Variants in GRIK2 observed in about 807,000 individuals in gnomAD.
The protein encoded by GRIK2 is glutamate ionotropic receptor kainate type subunit 2, also known as glutamate receptor ionotropic, kainate 2.
GRIK2 carries 32 observed loss-of-function variants against 100.3 expected under a neutral mutation model. The observed-to-expected ratio is 0.32, with a 90% CI of 0.24 to 0.43. The LOEUF (loss-of-function observed/expected upper bound fraction) is 0.43. Among genes scored for constraint, GRIK2 ranks in the 20% least tolerant of loss-of-function variants. GRIK2 has a pLI of 1.00. For missense variants in GRIK2, 843 were observed against 1,114.9 expected (o/e 0.76, Z 3.47); for synonymous variants, 417 against 389.4 (o/e 1.07, Z -0.83).
chr6:101,751,892 A>G (rs887107888), intron 7 of GRIK2, among the ~76,000 whole-genome samples: 4 of 152,176 alleles, frequency 2.6e-5, no homozygotes, highest in Non-Finnish European at 5.9e-5. Context: ...TGATGTTAGG[A>G]ACCAGTGATG....
At chr6:101,941,049 T>G (rs1242961306) in intron 14 of GRIK2, among the ~76,000 whole-genome samples, 1 of 152,164 alleles carries the variant, frequency 6.6e-6, no homozygotes, top group Non-Finnish European at 1.5e-5. Context: ...ATGATTTGAT[T>G]CAGTTTAAAT....
intron 2 of GRIK2, among the ~76,000 whole-genome samples, chr6:101,505,697 A>C (rs916204196): frequency 2.0e-5 from 3 of 151,990 alleles, no homozygotes; most frequent in Non-Finnish European, 2.9e-5. Flanking sequence ...AATGATTGTC[A>C]AAACACTTCT....
At position 101,928,425 on chromosome 6, in the gene GRIK2, C is replaced by T. The variant is rs1244842204; in HGVS notation, c.1878C>T (p.Leu626=). The T allele has an allele frequency of 6.3e-7, 1 of 1,574,832 alleles. No homozygotes were observed. The highest frequency in any genetic ancestry group is 1.7e-5 in the Admixed American group (1 of 59,936). The change falls in exon 14 of 17, where the codon CTC becomes CTT. Residue 626 remains leucine (L), a synonymous_variant. Transcript: ENST00000369134. ...CCCACTCTCTGTTAGGTTCTGAGCT[C>T]ATGCCCAAAGCACTGTCCACCAGGA... ...VGALMQQGSE[L]MPKALSTRIV... is the part of the protein sequence containing the mutation.
At chr6:102,003,267 G>A (rs926722004) in intron 14 of GRIK2, among the ~76,000 whole-genome samples, 1 of 151,176 alleles carries the variant, frequency 6.6e-6, no homozygotes, top group African/African-American at 2.4e-5. Context: ...GGGATAAATG[G>A]AATTGCACAC....
At chr6:101,979,264 G>T (rs930163953) in intron 14 of GRIK2, among the ~76,000 whole-genome samples, 5 of 151,898 alleles carry the variant, frequency 3.3e-5, no homozygotes, top group Non-Finnish European at 7.4e-5. Context: ...CAATGCTCAG[G>T]TTATGACCTG....
intron 7 of GRIK2, among the ~76,000 whole-genome samples, chr6:101,741,946 G>A (rs936996792): frequency 6.6e-5 from 10 of 152,122 alleles, no homozygotes; most frequent in African/African-American, 2.4e-4. Flanking sequence ...AAAGTTAACA[G>A]CTAATAAATA....
At chr6:101,409,420 G>C (rs1267966361) in intron 2 of GRIK2, among the ~76,000 whole-genome samples, 1 of 151,960 alleles carries the variant, frequency 6.6e-6, no homozygotes, top group Non-Finnish European at 1.5e-5. Flanking sequence ...ATGTATTCCT[G>C]TTGTTAAGCA....
intron 4 of GRIK2, among the ~76,000 whole-genome samples, chr6:101,628,772 T>C (rs75655850): frequency 0.013 from 1,923 of 152,230 alleles, 26 homozygotes; most frequent in South Asian, 0.04. Context: ...GTATACATTA[T>C]ATACATATGT....
intron 2 of GRIK2, among the ~76,000 whole-genome samples, chr6:101,601,056 G>A (rs1305312145): frequency 6.6e-6 from 1 of 150,904 alleles, no homozygotes. Context: ...GATGTTGGCT[G>A]TGTGTTTGTC....
chr6:101,676,672 T>C lies in GRIK2; in HGVS notation c.591T>C (p.Leu197=), dbSNP rs1166829906. ...TCAAAGCTCCATCAAGGTATAATCT[T>C]CGACTCAAAATTCGTCAGTTACCTG... ...ELIKAPSRYN[L]RLKIRQLPAD... is the part of the protein sequence containing the mutation. Residue 197 remains leucine, a synonymous_variant, in exon 5 of 17, where the codon CTT becomes CTC. Transcript: ENST00000369134. 42 of 1,606,256 alleles carry C rather than the reference T, an allele frequency of 2.6e-5. No homozygotes were observed. Among genetic ancestry groups the C allele is most frequent in the African/African-American group, 6.7e-5 (5 of 74,720 alleles).
At chr6:101,563,944 G>T (rs1006683282) in intron 2 of GRIK2, among the ~76,000 whole-genome samples, 1 of 151,964 alleles carries the variant, frequency 6.6e-6, no homozygotes, top group Admixed American at 6.6e-5. Flanking sequence ...AAATTTAATA[G>T]AAGAGATGTA....
At chr6:101,696,543 G>T (rs917999550) in intron 7 of GRIK2, among the ~76,000 whole-genome samples, 2 of 151,848 alleles carry the variant, frequency 1.3e-5, no homozygotes, top group Non-Finnish European at 2.9e-5. Flanking sequence ...TAGGAATAGT[G>T]ACCCAAACAA....
intron 2 of GRIK2, among the ~76,000 whole-genome samples, chr6:101,473,097 T>TTTCCTTCCTTCCTTCCTTCC (rs202063345): frequency 2.7e-4 from 36 of 133,330 alleles, no homozygotes; most frequent in Admixed American, 1.0e-3. Flanking sequence ...AATCCTAGGT[T>TTTCCTTCCTTCCTTCCTTCC]TTCCTTCCTT....
chr6:101,523,942 G>A lies in GRIK2; in HGVS notation c.116-98007G>A, dbSNP rs192351048. Among the ~76,000 whole-genome samples the A allele has an allele frequency of 2.0e-3, 301 of 152,018 alleles. 1 individual carries two copies. The highest frequency in any genetic ancestry group is 2.1e-3 in the Non-Finnish European group (140 of 67,974). On this transcript the variant is annotated intron_variant, in intron 2 of 16. Coordinates refer to ENST00000369134, the MANE Select transcript of GRIK2 (RefSeq NM_021956.5). The stretch of plus-strand genomic sequence containing the variant: ...TCACCATATTGGTCGGGCTGGCCTC[G>A]AACCCCTGACCTCAAGCGATCCACC...
At chr6:101,972,003 G>GAA (rs1490167398) in intron 14 of GRIK2, among the ~76,000 whole-genome samples, 1 of 151,876 alleles carries the variant, frequency 6.6e-6, no homozygotes, top group Admixed American at 6.6e-5. Flanking sequence ...CCATTGATTG[G>GAA]CATCTGTGTT....
chr6:101,795,034 CTT>C (rs1266023941), intron 7 of GRIK2, among the ~76,000 whole-genome samples: 6 of 151,860 alleles, frequency 4.0e-5, no homozygotes, highest in Non-Finnish European at 7.4e-5. Context: ...GACCCACTAA[CTT>C]TTGTATTTTT....
chr6:101,919,782 A>G (rs145957071), intron 12 of GRIK2, among the ~76,000 whole-genome samples: 117 of 151,990 alleles, frequency 7.7e-4, no homozygotes, highest in Non-Finnish European at 1.3e-3. Context: ...TAATGGTATT[A>G]GAAGTTCAAA....
chr6:101,483,676 G>T (rs533302046), intron 2 of GRIK2, among the ~76,000 whole-genome samples: 1 of 152,272 alleles, frequency 6.6e-6, no homozygotes, highest in African/African-American at 2.4e-5. Context: ...CCCAGTTCAA[G>T]CAATTCTCCC....
intron 9 of GRIK2, among the ~76,000 whole-genome samples, chr6:101,807,603 T>C (rs1781084661): frequency 1.3e-5 from 2 of 151,788 alleles, no homozygotes; most frequent in Non-Finnish European, 2.9e-5. Context: ...TGTGCTGTGA[T>C]TGGAGATTGC....
Sources: gnomAD v4.1 joint callset for allele counts (sites outside exome capture counted in the v4.1 genomes callset) on GRCh38, gnomAD v4.1.1 for gene constraint, MANE v1.5 for transcripts, NCBI Gene and HGNC (gene_info 2026-07-23, HGNC 2026-07-21) for gene names.